The following ZNF804A variants were observed in gnomAD, a reference collection of about 807,000 sequenced individuals.
The protein encoded by ZNF804A is zinc finger protein 804A.
A neutral mutation model predicts 16.5 loss-of-function variants in ZNF804A; 2 were observed. That is an observed-to-expected ratio of 0.12 (90% CI 0.05 to 0.38). The LOEUF is 0.38. Ranked by LOEUF, ZNF804A falls within the 10% of genes least tolerant of loss-of-function variation. ZNF804A has a pLI of 0.99. For synonymous variants in ZNF804A, 534 were observed against 489.6 expected (o/e 1.09, Z -1.20); for missense variants, 1,473 against 1,390.7 (o/e 1.06, Z -0.94).
intron 1 of ZNF804A, among the ~76,000 whole-genome samples, chr2:184,864,938 T>C (rs1305722444): frequency 2.1e-5 from 3 of 145,356 alleles, no homozygotes; most frequent in African/African-American, 8.0e-5. Context: ...TGGAGTGCAG[T>C]GGCACAATCT....
chr2:184,922,441 G>C (rs1245062566), intron 2 of ZNF804A, among the ~76,000 whole-genome samples: 1 of 151,854 alleles, frequency 6.6e-6, no homozygotes, highest in East Asian at 1.9e-4. Flanking sequence ...TTTTTAATCT[G>C]ATTATTTGAT....
At chr2:184,896,135 C>T (rs1020461063) in intron 2 of ZNF804A, among the ~76,000 whole-genome samples, 1 of 151,406 alleles carries the variant, frequency 6.6e-6, no homozygotes, top group East Asian at 1.9e-4. Context: ...GATTCTCAAG[C>T]CAGACTCACA....
At chr2:184,755,046 G>A (rs531601487) in intron 1 of ZNF804A, among the ~76,000 whole-genome samples, 1 of 151,788 alleles carries the variant, frequency 6.6e-6, no homozygotes, top group African/African-American at 2.4e-5. Context: ...TTATAATTTC[G>A]GATGAGATTT....
intron 2 of ZNF804A, among the ~76,000 whole-genome samples, chr2:184,914,400 T>C (rs1685414308): frequency 6.6e-6 from 1 of 152,176 alleles, no homozygotes; most frequent in Non-Finnish European, 1.5e-5. Flanking sequence ...TCCATTGTTC[T>C]GGCAAGGGAC....
At chr2:184,617,289 T>C (rs781225878) in intron 1 of ZNF804A, among the ~76,000 whole-genome samples, 6 of 152,078 alleles carry the variant, frequency 3.9e-5, no homozygotes, top group Non-Finnish European at 8.8e-5. Flanking sequence ...AAAGATGCTT[T>C]AATGTCTTAG....
chr2:184,603,416 A>G (rs1018747930), intron 1 of ZNF804A, among the ~76,000 whole-genome samples: 7 of 152,330 alleles, frequency 4.6e-5, no homozygotes, highest in African/African-American at 1.7e-4. Context: ...CCTTGTGTAT[A>G]TAGGAACACA....
At chr2:184,848,971 C>T (rs955920390) in intron 1 of ZNF804A, among the ~76,000 whole-genome samples, 2 of 151,516 alleles carry the variant, frequency 1.3e-5, no homozygotes, top group African/African-American at 4.9e-5. Flanking sequence ...GAGAAGTGAT[C>T]CCAGAAAGCA....
At chr2:184,832,875 A>G (rs73980329) in intron 1 of ZNF804A, among the ~76,000 whole-genome samples, 1,872 of 152,060 alleles carry the variant, frequency 0.012, 33 homozygotes, top group African/African-American at 0.043. Context: ...CACATTGCCA[A>G]TAGAATTCAT....
chr2:184,908,577 G>C (rs905066831), intron 2 of ZNF804A, among the ~76,000 whole-genome samples: 1 of 152,094 alleles, frequency 6.6e-6, no homozygotes, highest in African/African-American at 2.4e-5. Flanking sequence ...CCATGGGTTA[G>C]AATTATAAGA....
chr2:184,803,118 T>C (rs1289811330), intron 1 of ZNF804A, among the ~76,000 whole-genome samples: 2 of 152,212 alleles, frequency 1.3e-5, no homozygotes, highest in Non-Finnish European at 2.9e-5. Context: ...AGTTTCATTA[T>C]TACTATCACC....
intron 1 of ZNF804A, among the ~76,000 whole-genome samples, chr2:184,763,843 C>T (rs144692096): frequency 0.035 from 5,323 of 151,476 alleles, 300 homozygotes; most frequent in African/African-American, 0.12. Flanking sequence ...GGGGTTTCAC[C>T]GTGTTAGCCA....
chr2:184,772,938 TATACATATAC>T (rs1233717330), intron 1 of ZNF804A, among the ~76,000 whole-genome samples: 3 of 148,126 alleles, frequency 2.0e-5, no homozygotes, highest in African/African-American at 7.4e-5. Context: ...CACACATATA[TATACATATAC>T]ATATATACAT....
chr2:184,918,274 T>C (rs1218478802), intron 2 of ZNF804A, among the ~76,000 whole-genome samples: 3 of 152,178 alleles, frequency 2.0e-5, no homozygotes, highest in African/African-American at 7.2e-5. Context: ...TAACCCACTC[T>C]GTCTTAACTT....
intron 2 of ZNF804A, among the ~76,000 whole-genome samples, chr2:184,876,201 A>G (rs1684672318): frequency 6.6e-6 from 1 of 152,160 alleles, no homozygotes; most frequent in African/African-American, 2.4e-5. Flanking sequence ...TTTAGCCCCA[A>G]ATTTGAGCAT....
At chr2:184,900,367 T>C (rs1685159870) in intron 2 of ZNF804A, among the ~76,000 whole-genome samples, 1 of 152,116 alleles carries the variant, frequency 6.6e-6, no homozygotes, top group East Asian at 1.9e-4. Flanking sequence ...AATCCCTGAA[T>C]TTAAAACTAC....
At chr2:184,702,858 T>G (rs1692944222) in intron 1 of ZNF804A, among the ~76,000 whole-genome samples, 1 of 152,182 alleles carries the variant, frequency 6.6e-6, no homozygotes, top group South Asian at 2.1e-4. Context: ...TATGTAGAGA[T>G]ATACTTAAAA....
chr2:184,723,598 G>A (rs994800025), intron 1 of ZNF804A, among the ~76,000 whole-genome samples: 4 of 151,736 alleles, frequency 2.6e-5, no homozygotes, highest in Admixed American at 6.6e-5. Flanking sequence ...GTTTTCATCC[G>A]AAGTTGTAAA....
intron 1 of ZNF804A, among the ~76,000 whole-genome samples, chr2:184,746,822 C>T (rs1283141140): frequency 6.6e-6 from 1 of 151,344 alleles, no homozygotes; most frequent in Non-Finnish European, 1.5e-5. Flanking sequence ...CTGTTCCTGG[C>T]TTAAGTTTCA....
At chr2:184,763,034 A>G (rs532366944) in intron 1 of ZNF804A, among the ~76,000 whole-genome samples, 1 of 152,314 alleles carries the variant, frequency 6.6e-6, no homozygotes, top group Admixed American at 6.5e-5. Context: ...AATAATTTTA[A>G]GTATTATCTT....
Sources: gnomAD v4.1 joint callset for allele counts (sites outside exome capture counted in the v4.1 genomes callset) on GRCh38, gnomAD v4.1.1 for gene constraint, MANE v1.5 for transcripts, NCBI Gene and HGNC (gene_info 2026-07-23, HGNC 2026-07-21) for gene names.